Variants in KALRN observed in about 807,000 individuals in gnomAD.
KALRN encodes kalirin.
Under a neutral mutation model 353.7 loss-of-function variants are expected in KALRN, and 70 were observed. The ratio of observed to expected loss-of-function variants is 0.20; its 90% CI spans 0.16 to 0.24. KALRN has a LOEUF of 0.24. KALRN is among the 10% of genes least tolerant of loss of function. The pLI, the probability that KALRN is intolerant of heterozygous loss-of-function variation, is 1.00. For missense variants in KALRN, 2,791 were observed against 3,756.7 expected, an observed-to-expected ratio of 0.74 and a Z score of 6.72; for synonymous variants, 1,391 against 1,434.8, an observed-to-expected ratio of 0.97 and a Z score of 0.69.
intron 38 of KALRN, among the ~76,000 whole-genome samples, chr3:124,654,155 A>G (rs2083724872): frequency 6.6e-6 from 1 of 152,214 alleles, no homozygotes; most frequent in African/African-American, 2.4e-5. Flanking sequence ...GCCACTTTCT[A>G]CCAGGCGGTA....
chr3:124,476,915 C>CA (rs1210315565), intron 26 of KALRN, among the ~76,000 whole-genome samples: 2 of 151,898 alleles, frequency 1.3e-5, no homozygotes, highest in African/African-American at 4.8e-5. Context: ...GTAGATAATC[C>CA]AAAAAAGGGT....
intron 13 of KALRN, among the ~76,000 whole-genome samples, chr3:124,402,063 G>T (rs967937637): frequency 2.6e-5 from 4 of 152,076 alleles, no homozygotes; most frequent in African/African-American, 7.2e-5. Flanking sequence ...AATTCCTCAG[G>T]ATTACTGAAC....
At chr3:124,215,890 G>T (rs574385078) in intron 1 of KALRN, among the ~76,000 whole-genome samples, 1 of 152,348 alleles carries the variant, frequency 6.6e-6, no homozygotes, top group African/African-American at 2.4e-5. Context: ...GGCTCCAGCA[G>T]ATCTTGTTAA....
intron 37 of KALRN, among the ~76,000 whole-genome samples, chr3:124,645,268 T>C (rs2082559918): frequency 6.6e-6 from 1 of 152,160 alleles, no homozygotes; most frequent in Admixed American, 6.5e-5. Context: ...TTTCTCCCAT[T>C]CTATAGCTTG....
intron 1 of KALRN, among the ~76,000 whole-genome samples, chr3:124,196,923 A>G (rs1398652766): frequency 6.6e-6 from 1 of 152,192 alleles, no homozygotes; most frequent in East Asian, 1.9e-4. Context: ...TCATTTACAG[A>G]TGAGGAAATG....
intron 1 of KALRN, among the ~76,000 whole-genome samples, chr3:124,226,696 GC>G (rs1377257449): frequency 6.6e-6 from 1 of 152,144 alleles, no homozygotes; most frequent in Non-Finnish European, 1.5e-5. Flanking sequence ...CTTACGCCTG[GC>G]CCAGAATTTT....
At chr3:124,254,335 C>G (rs1197050799) in intron 3 of KALRN, among the ~76,000 whole-genome samples, 1 of 148,900 alleles carries the variant, frequency 6.7e-6, no homozygotes, top group Non-Finnish European at 1.5e-5. Flanking sequence ...ACCTCTGAAA[C>G]TTTCTACCCT....
chr3:124,112,822 G>A (rs2063112323), intron 1 of KALRN, among the ~76,000 whole-genome samples: 1 of 152,110 alleles, frequency 6.6e-6, no homozygotes, highest in South Asian at 2.1e-4. Context: ...GAGCAGCTGA[G>A]TACAGCTGGG....
intron 1 of KALRN, among the ~76,000 whole-genome samples, chr3:124,084,939 G>A (rs983098815): frequency 6.6e-6 from 1 of 152,088 alleles, no homozygotes; most frequent in African/African-American, 2.4e-5. Context: ...CACCTGTGAG[G>A]GCCCCCTTCC....
rs332512 is a variant in KALRN, at chr3:124,719,592, T to A, written c.*122T>A. 6 of 947,074 alleles carry A rather than the reference T, an allele frequency of 6.3e-6. No homozygotes were observed. In the South Asian group the frequency reaches 8.6e-5, roughly 14 times the overall value. The allele number at this position is 947,074 out of a possible 1,614,324, so 58.7% of individuals were successfully genotyped here. ...GTGCAGTTCTCTGAATTGAGAGATG[T>A]ACCTCTTAAACCTCGTCAGTGGTTA... On this transcript the variant is annotated 3_prime_UTR_variant, in exon 60 of 60. Transcript: ENST00000682506. This position sits in a 1 kb window ranked among gnomAD's most constrained non-coding sequence, Gnocchi z 5.3.
Position 124,490,853 on chromosome 3 carries a change from A to G in KALRN, c.4556A>G (p.His1519Arg), listed in dbSNP as rs529612300. 6.2e-7 allele frequency: 1 copy of G among 1,613,478 alleles called. No homozygotes were observed. Among genetic ancestry groups the G allele is most frequent in the South Asian group, 1.1e-5 (1 of 91,052 alleles). ...FSKEIKDSSGHTKYVYKNKLL... is the reference protein window; with the variant it reads ...FSKEIKDSSGRTKYVYKNKLL... ...AAGGAGATCAAAGATTCTTCAGGAC[A>G]CACGAAATATGTTTACAAGAACAAG... The change falls in exon 30 of 60, where the codon CAC becomes CGC. Residue 1519 changes from histidine to arginine, a missense_variant. His to Arg is a conservative substitution (Grantham distance 29, BLOSUM62 0). Coordinates refer to ENST00000682506, the MANE Select transcript of KALRN (RefSeq NM_001388419.1).
At chr3:124,659,955 A>G (rs980552456) in intron 43 of KALRN, among the ~76,000 whole-genome samples, 3 of 151,022 alleles carry the variant, frequency 2.0e-5, no homozygotes, top group Non-Finnish European at 4.4e-5. Context: ...TATTTGAGGC[A>G]GGGTCTCACT....
chr3:124,567,729 G>A (rs1233804387), intron 34 of KALRN, among the ~76,000 whole-genome samples: 1 of 152,108 alleles, frequency 6.6e-6, no homozygotes, highest in Non-Finnish European at 1.5e-5. Context: ...AAATACTGAT[G>A]CCTCATATCC....
intron 33 of KALRN, among the ~76,000 whole-genome samples, chr3:124,541,407 G>A (rs1053199607): frequency 1.3e-4 from 20 of 151,652 alleles, no homozygotes; most frequent in African/African-American, 4.1e-4. Flanking sequence ...CCGAGATCAC[G>A]CCACTGCACT....
chr3:124,266,590 A>ATG (rs1311704162), intron 4 of KALRN, among the ~76,000 whole-genome samples: 1 of 152,128 alleles, frequency 6.6e-6, no homozygotes, highest in Non-Finnish European at 1.5e-5. Flanking sequence ...GAACTTTTAA[A>ATG]TGTGTGTGTG....
chr3:124,151,926 T>C, intron 1 of KALRN: 1 of 829,622 alleles, frequency 1.2e-6, no homozygotes, highest in Non-Finnish European at 2.0e-6. Context: ...GTTTATTAAC[T>C]GACCAGCTTA....
At chr3:124,108,326 A>C (rs575469970) in intron 1 of KALRN, among the ~76,000 whole-genome samples, 1 of 152,332 alleles carries the variant, frequency 6.6e-6, no homozygotes, top group African/African-American at 2.4e-5. Flanking sequence ...TAGTCATGTT[A>C]ATATCTCCTC....
At chr3:124,702,543 G>A (rs2062392013) in intron 57 of KALRN, among the ~76,000 whole-genome samples, 1 of 152,020 alleles carries the variant, frequency 6.6e-6, no homozygotes, top group African/African-American at 2.4e-5. Context: ...TTTTATTACT[G>A]ATTTCTAACT....
intron 55 of KALRN, 51 bp downstream of exon 55, chr3:124,697,775 AT>A: frequency 7.0e-7 from 1 of 1,427,698 alleles, no homozygotes; most frequent in South Asian, 1.4e-5. Context: ...TAAAACATTT[AT>A]TTTTAAAATT....
Sources: gnomAD v4.1 joint callset for allele counts (sites outside exome capture counted in the v4.1 genomes callset) on GRCh38, gnomAD v4.1.1 for gene constraint, Gnocchi (gnomAD v3.1) non-coding constraint, MANE v1.5 for transcripts, NCBI Gene and HGNC (gene_info 2026-07-23, HGNC 2026-07-21) for gene names.